CFAP299: variants seen among roughly 807,000 people sequenced by gnomAD.
CFAP299 encodes the protein cilia- and flagella-associated protein 299.
A neutral mutation model predicts 27.0 loss-of-function variants in CFAP299; 21 were observed. The observed-to-expected ratio is 0.78, with a 90% CI of 0.55 to 1.12. The LOEUF is 1.12. Ranked by LOEUF, CFAP299 falls within the 50% of genes most tolerant of loss-of-function variation. The pLI is 0.00. For missense variants in CFAP299, 310 were observed against 276.6 expected, an observed-to-expected ratio of 1.12 and a Z score of -0.86; for synonymous variants, 104 against 98.1, an observed-to-expected ratio of 1.06 and a Z score of -0.36.
At chr4:80,716,412 A>G (rs996256530) in intron 3 of CFAP299, among the ~76,000 whole-genome samples, 6 of 150,578 alleles carry the variant, frequency 4.0e-5, no homozygotes, top group African/African-American at 1.5e-4. Context: ...TATAAGATAT[A>G]TCCTAATATA....
At chr4:80,367,114 A>G (rs1723873751) in intron 2 of CFAP299, among the ~76,000 whole-genome samples, 1 of 152,198 alleles carries the variant, frequency 6.6e-6, no homozygotes, top group Non-Finnish European at 1.5e-5. Context: ...AATATGTGTA[A>G]ATAGACATTG....
intron 3 of CFAP299, among the ~76,000 whole-genome samples, chr4:80,869,775 G>A (rs1732972389): frequency 6.6e-6 from 1 of 152,224 alleles, no homozygotes; most frequent in African/African-American, 2.4e-5. Flanking sequence ...GCCTCCCAAA[G>A]TGCTGGGATT....
chr4:80,701,574 G>A (rs894736343), intron 3 of CFAP299, among the ~76,000 whole-genome samples: 9 of 151,878 alleles, frequency 5.9e-5, no homozygotes, highest in Admixed American at 6.6e-5. Context: ...TTTTAGGCAT[G>A]AAATCCAGTG....
rs377228265 is a variant in CFAP299, at chr4:80,414,317, G to A, written c.242+51433G>A. ...GATCTCCTGACCTCGTGATCCGCCCGCCTCGGCCTCCCAAAGTGCTGGGAT... is the reference window on the plus strand; with the variant it reads ...GATCTCCTGACCTCGTGATCCGCCCACCTCGGCCTCCCAAAGTGCTGGGAT... On this transcript the variant is annotated intron_variant, in intron 2 of 5. Coordinates refer to ENST00000358105, the MANE Select transcript of CFAP299 (RefSeq NM_152770.3). Among the ~76,000 whole-genome samples the A allele has an allele frequency of 1.4e-4, 21 of 151,784 alleles. No homozygotes were observed. In the East Asian group the frequency reaches 3.7e-3, roughly 27 times the overall value.
At chr4:80,616,474 C>A (rs1738287644) in intron 3 of CFAP299, among the ~76,000 whole-genome samples, 1 of 151,656 alleles carries the variant, frequency 6.6e-6, no homozygotes, top group Non-Finnish European at 1.5e-5. Flanking sequence ...ACTGAAAGGG[C>A]TGTAGAGATC....
At chr4:80,324,993 C>T in the CFAP299 span, among the ~76,000 whole-genome samples, 4 of 152,106 alleles carry the variant, frequency 2.6e-5, no homozygotes, top group South Asian at 2.1e-4. Context: ...CATGGTGGCA[C>T]GTGCCTGTAG....
intron 4 of CFAP299, among the ~76,000 whole-genome samples, chr4:80,913,914 T>C (rs951853310): frequency 6.6e-6 from 1 of 152,210 alleles, no homozygotes; most frequent in African/African-American, 2.4e-5. Flanking sequence ...AGTGACTTTT[T>C]CTTGAATTTC....
intron 3 of CFAP299, 113 bp downstream of exon 3, chr4:80,583,296 A>T (rs1282538558): frequency 3.9e-6 from 2 of 510,680 alleles, no homozygotes; most frequent in Non-Finnish European, 6.6e-6. Flanking sequence ...ATAAAATATG[A>T]TTCCTCTTTA....
chr4:80,435,223 C>G (rs1354102860), intron 2 of CFAP299, among the ~76,000 whole-genome samples: 1 of 152,114 alleles, frequency 6.6e-6, no homozygotes, highest in African/African-American at 2.4e-5. Flanking sequence ...ATTTGGGAGC[C>G]AGACCAGAGG....
intron 3 of CFAP299, among the ~76,000 whole-genome samples, chr4:80,672,015 C>T (rs577863438): frequency 6.6e-6 from 1 of 152,236 alleles, no homozygotes; most frequent in Admixed American, 6.5e-5. Flanking sequence ...TGCCTGATTG[C>T]CCTGGCCAGA....
chr4:80,800,771 A>ACATATATAG (rs1231549705), intron 3 of CFAP299, among the ~76,000 whole-genome samples: 1 of 132,886 alleles, frequency 7.5e-6, no homozygotes, highest in African/African-American at 3.0e-5. Context: ...GTGTGTGTAT[A>ACATATATAG]TATATATATG....
chr4:80,384,034 A>G (rs142004934), intron 2 of CFAP299, among the ~76,000 whole-genome samples: 216 of 152,294 alleles, frequency 1.4e-3, no homozygotes, highest in African/African-American at 4.8e-3. Context: ...TCAAGACACC[A>G]TTGAATCTGC....
chr4:80,749,409 A>G (rs1259654352), intron 3 of CFAP299, among the ~76,000 whole-genome samples: 2 of 152,220 alleles, frequency 1.3e-5, no homozygotes, highest in African/African-American at 4.8e-5. Context: ...TGGGTTCTCT[A>G]GAGGGACAGA....
At chr4:80,541,332 A>G (rs772579414) in intron 2 of CFAP299, among the ~76,000 whole-genome samples, 1 of 152,220 alleles carries the variant, frequency 6.6e-6, no homozygotes, top group African/African-American at 2.4e-5. Context: ...AATTCCGATC[A>G]TTGTATGAAT....
chr4:80,619,723 G>T (rs1443867349), intron 3 of CFAP299, among the ~76,000 whole-genome samples: 1 of 151,914 alleles, frequency 6.6e-6, no homozygotes, highest in Non-Finnish European at 1.5e-5. Flanking sequence ...ACCTATACTG[G>T]CTGTGACAGC....
intron 3 of CFAP299, among the ~76,000 whole-genome samples, chr4:80,642,690 G>A (rs1211221387): frequency 6.6e-6 from 1 of 151,016 alleles, no homozygotes; most frequent in Non-Finnish European, 1.5e-5. Flanking sequence ...CTTGAACCCG[G>A]GAGGCAAAGG....
At position 80,596,408 on chromosome 4, in the gene CFAP299, C is replaced by T. The variant is rs78111774; in HGVS notation, c.333+13225C>T. Among the ~76,000 whole-genome samples, 953 of 152,170 alleles carry T rather than the reference C, an allele frequency of 6.3e-3. 70 individuals are homozygous for T. The East Asian group carries it at 0.16, about 26-fold the overall frequency. On this transcript the variant is annotated intron_variant, in intron 3 of 5. Coordinates refer to ENST00000358105, the MANE Select transcript of CFAP299 (RefSeq NM_152770.3). Reference sequence around the variant, plus strand: ...TCTTTTAGTTATTGGTCTTTTGGAGCAATATAGAATAATACTGCTGCCCCA... The same window carrying T: ...TCTTTTAGTTATTGGTCTTTTGGAGTAATATAGAATAATACTGCTGCCCCA...
intron 3 of CFAP299, among the ~76,000 whole-genome samples, chr4:80,717,292 G>T (rs1391483865): frequency 6.6e-6 from 1 of 152,090 alleles, no homozygotes; most frequent in Non-Finnish European, 1.5e-5. Flanking sequence ...GTGAGCATGT[G>T]TAAGCAGAAA....
intron 2 of CFAP299, among the ~76,000 whole-genome samples, chr4:80,374,549 G>A (rs1724311448): frequency 6.6e-6 from 1 of 152,114 alleles, no homozygotes; most frequent in Admixed American, 6.5e-5. Context: ...GATCTGGAAA[G>A]GTCAAAATTT....
Sources: gnomAD v4.1 joint callset for allele counts (sites outside exome capture counted in the v4.1 genomes callset) on GRCh38, gnomAD v4.1.1 for gene constraint, MANE v1.5 for transcripts, NCBI Gene and HGNC (gene_info 2026-07-23, HGNC 2026-07-21) for gene names.